Variants in BRD10 observed in about 807,000 individuals in gnomAD.
BRD10 encodes uncharacterized bromodomain-containing protein 10.
the BRD10 span, among the ~76,000 whole-genome samples, chr9:5,959,349 G>A: frequency 6.6e-6 from 1 of 152,094 alleles, no homozygotes; most frequent in African/African-American, 2.4e-5. Context: ...CTCTAGCTGT[G>A]TGACTTTGGA....
At chr9:5,969,747 T>C in the BRD10 span, among the ~76,000 whole-genome samples, 1 of 152,174 alleles carries the variant, frequency 6.6e-6, no homozygotes, top group African/African-American at 2.4e-5. Context: ...GGTTTCACCA[T>C]GTTGGCCAGG....
chr9:5,988,765 ATC>A, the BRD10 span, among the ~76,000 whole-genome samples: 1 of 152,202 alleles, frequency 6.6e-6, no homozygotes, highest in African/African-American at 2.4e-5. Context: ...AAAAAAAAAA[ATC>A]TGAGACTGAA....
chr9:5,928,581 A>C, the BRD10 span, among the ~76,000 whole-genome samples: 1 of 152,112 alleles, frequency 6.6e-6, no homozygotes, highest in Non-Finnish European at 1.5e-5. Context: ...CTAAACGCCA[A>C]ACATGCTATC....
the BRD10 span, chr9:6,007,550 G>T: frequency 6.2e-7 from 1 of 1,613,032 alleles, no homozygotes. Context: ...TAGCCCTGCT[G>T]TAGCTCGTAG....
chr9:5,961,012 G>C, the BRD10 span, among the ~76,000 whole-genome samples: 1 of 152,162 alleles, frequency 6.6e-6, no homozygotes, highest in Non-Finnish European at 1.5e-5. Context: ...AAAAAGTGTT[G>C]AAAGATACAT....
At chr9:5,943,834 C>G in the BRD10 span, among the ~76,000 whole-genome samples, 1 of 151,978 alleles carries the variant, frequency 6.6e-6, no homozygotes. Flanking sequence ...CTTAAATTAC[C>G]ATGATACTCT....
the BRD10 span, among the ~76,000 whole-genome samples, chr9:5,951,427 G>C: frequency 6.6e-6 from 1 of 151,890 alleles, no homozygotes; most frequent in African/African-American, 2.4e-5. Flanking sequence ...AAACTGGTCA[G>C]GTTTTACAAA....
At chr9:6,006,493 T>C in the BRD10 span, among the ~76,000 whole-genome samples, 1 of 152,240 alleles carries the variant, frequency 6.6e-6, no homozygotes, top group African/African-American at 2.4e-5. Context: ...CCTCCTCTTG[T>C]GTTAAATAAT....
chr9:5,927,240 C>A, the BRD10 span, among the ~76,000 whole-genome samples: 2 of 152,106 alleles, frequency 1.3e-5, no homozygotes, highest in African/African-American at 2.4e-5. Flanking sequence ...ACCTCATCTG[C>A]AACTCACCTT....
At chr9:5,954,223 A>C in the BRD10 span, 1 of 614,872 alleles carries the variant, frequency 1.6e-6, no homozygotes. Flanking sequence ...TCAAATAAAA[A>C]TGATGAATCA....
At chr9:5,886,280 G>A in the BRD10 span, among the ~76,000 whole-genome samples, 2 of 152,186 alleles carry the variant, frequency 1.3e-5, no homozygotes, top group African/African-American at 4.8e-5. Flanking sequence ...AGGTGGCCAA[G>A]CCCACTAGGT....
chr9:5,884,341 G>A, the BRD10 span, among the ~76,000 whole-genome samples: 2 of 152,150 alleles, frequency 1.3e-5, no homozygotes, highest in Non-Finnish European at 2.9e-5. Flanking sequence ...CAGTCCAAAG[G>A]CTCAGCGTGG....
chr9:5,995,425 A>G, the BRD10 span, among the ~76,000 whole-genome samples: 5 of 152,220 alleles, frequency 3.3e-5, no homozygotes, highest in Non-Finnish European at 5.9e-5. Flanking sequence ...GGTCTTCAGA[A>G]TTTGTATTTC....
the BRD10 span, chr9:5,919,318 G>A: frequency 6.0e-6 from 1 of 165,926 alleles, no homozygotes; most frequent in African/African-American, 2.4e-5. Flanking sequence ...TAGATATGCT[G>A]CAACAGTCCA....
chr9:5,924,906 C>G, the BRD10 span: 4 of 1,217,640 alleles, frequency 3.3e-6, no homozygotes, highest in South Asian at 7.8e-5. Context: ...GGAATCTAAA[C>G]TAACTTTTAA....
At chr9:6,004,236 T>C in the BRD10 span, among the ~76,000 whole-genome samples, 1 of 152,248 alleles carries the variant, frequency 6.6e-6, no homozygotes, top group Admixed American at 6.5e-5. Flanking sequence ...CTCTTGTACT[T>C]TGTTCATATA....
the BRD10 span, among the ~76,000 whole-genome samples, chr9:5,993,335 A>C: frequency 6.7e-6 from 1 of 148,508 alleles, no homozygotes; most frequent in Non-Finnish European, 1.5e-5. Flanking sequence ...AAAAAAAAAA[A>C]ACAACTAAAT....
At chr9:5,978,694 A>G in the BRD10 span, among the ~76,000 whole-genome samples, 1 of 152,170 alleles carries the variant, frequency 6.6e-6, no homozygotes, top group South Asian at 2.1e-4. Context: ...AAGCCAGAAA[A>G]CAAGCCCAAC....
the BRD10 span, among the ~76,000 whole-genome samples, chr9:5,893,023 T>C: frequency 1.3e-5 from 2 of 152,154 alleles, no homozygotes; most frequent in Non-Finnish European, 2.9e-5. Flanking sequence ...GTCACAGCCT[T>C]TGCAGTATAA....
Sources: allele counts gnomAD v4.1 joint callset (sites outside exome capture counted in the v4.1 genomes callset), GRCh38; gene constraint gnomAD v4.1.1; transcripts MANE v1.5; gene names NCBI Gene and HGNC (gene_info 2026-07-23, HGNC 2026-07-21).